Variants in SLC4A10 observed in about 807,000 individuals in gnomAD.
The protein encoded by SLC4A10 is solute carrier family 4 member 10.
A neutral mutation model predicts 137.7 loss-of-function variants in SLC4A10; 42 were observed. The ratio of observed to expected loss-of-function variants is 0.30; its 90% CI spans 0.24 to 0.39. SLC4A10 has a LOEUF of 0.39. Ranked by LOEUF, SLC4A10 falls within the 10% of genes least tolerant of loss-of-function variation. The probability of loss-of-function intolerance (pLI) is 1.00; values close to 1 mark genes in which losing one functional copy is unlikely to be tolerated. For missense variants in SLC4A10, 925 were observed against 1,355.0 expected (o/e 0.68, Z 4.98); for synonymous variants, 474 against 464.1 (o/e 1.02, Z -0.27).
chr2:161,806,280 G>T (rs538686646), intron 3 of SLC4A10, among the ~76,000 whole-genome samples: 3 of 152,130 alleles, frequency 2.0e-5, no homozygotes, highest in Non-Finnish European at 2.9e-5. Context: ...GGGAGGGGCT[G>T]CCATAAAGAC....
rs73005116 is a variant in SLC4A10, at chr2:161,747,557, T to C, written c.49-23416T>C. Reference sequence around the variant, plus strand: ...TTTGGTTCTTATGAAGGTGCTTTCTTGTGTGGGCAGTTGTTCAACTTGGTG... The same window carrying C: ...TTTGGTTCTTATGAAGGTGCTTTCTCGTGTGGGCAGTTGTTCAACTTGGTG... On this transcript the variant is annotated intron_variant, in intron 1 of 26. Transcript: ENST00000446997. Among the ~76,000 whole-genome samples the C allele has an allele frequency of 6.2e-3, 947 of 152,286 alleles. 9 individuals carry two copies. Among genetic ancestry groups the C allele is most frequent in the African/African-American group, 0.022 (898 of 41,568 alleles).
chr2:161,688,810 T>C (rs986499850), intron 1 of SLC4A10, among the ~76,000 whole-genome samples: 1 of 152,180 alleles, frequency 6.6e-6, no homozygotes, highest in Non-Finnish European at 1.5e-5. Flanking sequence ...ATTATGGTCA[T>C]GTGCCATATA....
chr2:161,656,417 G>T (rs1377321940), intron 1 of SLC4A10, among the ~76,000 whole-genome samples: 1 of 152,036 alleles, frequency 6.6e-6, no homozygotes, highest in Admixed American at 6.5e-5. Flanking sequence ...ATAAAAATTG[G>T]CAATTTAAAT....
At chr2:161,633,602 C>T (rs1160232519) in intron 1 of SLC4A10, among the ~76,000 whole-genome samples, 1 of 151,650 alleles carries the variant, frequency 6.6e-6, no homozygotes, top group Non-Finnish European at 1.5e-5. Context: ...CGTGTTATAT[C>T]ATTTAGACTA....
At chr2:161,928,170 C>T (rs1295053769) in intron 15 of SLC4A10, among the ~76,000 whole-genome samples, 1 of 148,732 alleles carries the variant, frequency 6.7e-6, no homozygotes, top group Non-Finnish European at 1.5e-5. Flanking sequence ...GGCACATATA[C>T]ACCATGGAAT....
chr2:161,863,255 A>G (rs536918165), intron 6 of SLC4A10, among the ~76,000 whole-genome samples, 193 bp downstream of exon 6: 1 of 152,318 alleles, frequency 6.6e-6, no homozygotes, highest in South Asian at 2.1e-4. Context: ...AAAGAACTTA[A>G]GTTTCCTGAA....
intron 1 of SLC4A10, among the ~76,000 whole-genome samples, chr2:161,664,858 C>T (rs898643319): frequency 6.6e-6 from 1 of 151,634 alleles, no homozygotes; most frequent in East Asian, 1.9e-4. Flanking sequence ...ACATGGTTTC[C>T]TTAATGAACA....
At chr2:161,815,558 A>G (rs762808373) in intron 3 of SLC4A10, among the ~76,000 whole-genome samples, 1 of 152,148 alleles carries the variant, frequency 6.6e-6, no homozygotes, top group Non-Finnish European at 1.5e-5. Flanking sequence ...AGTAACGTAT[A>G]TGAATCTTAA....
chr2:161,957,182 C>T lies in SLC4A10; in HGVS notation c.2735C>T (p.Thr912Ile). 6.2e-7 allele frequency: 1 copy of T among 1,613,728 alleles called. No individual in the cohort carries two copies. Among genetic ancestry groups the T allele is most frequent in the Non-Finnish European group, 8.5e-7 (1 of 1,179,814 alleles). ...CTCGGCATTCGGGAGCAAAGGGTTACTGGGCTTATGATTTTTATTCTTATG... is the reference window on the plus strand; with the variant it reads ...CTCGGCATTCGGGAGCAAAGGGTTATTGGGCTTATGATTTTTATTCTTATG... ...KFLGIREQRV[T>I]GLMIFILMGS... Residue 912 changes from threonine to isoleucine, a missense_variant, in exon 20 of 27, where the codon ACT (threonine) becomes ATT (isoleucine). Physicochemically the swap from Thr to Ile is moderately conservative, Grantham distance 89. Coordinates refer to ENST00000446997, the MANE Select transcript of SLC4A10 (RefSeq NM_001178015.2).
At chr2:161,798,424 T>TTC in intron 2 of SLC4A10, among the ~76,000 whole-genome samples, 1 of 151,894 alleles carries the variant, frequency 6.6e-6, no homozygotes. Flanking sequence ...TTAATAACAT[T>TTC]ATTAATCAGT....
At chr2:161,957,743 AT>A (rs141889120) in intron 20 of SLC4A10, among the ~76,000 whole-genome samples, 22 of 151,610 alleles carry the variant, frequency 1.5e-4, no homozygotes, top group African/African-American at 2.7e-4. Flanking sequence ...GCATATAGTG[AT>A]TTTTTTTTCA....
intron 1 of SLC4A10, among the ~76,000 whole-genome samples, chr2:161,681,615 T>G (rs1339573568): frequency 6.6e-6 from 1 of 152,168 alleles, no homozygotes; most frequent in African/African-American, 2.4e-5. Flanking sequence ...ATTCCTGCCC[T>G]AAGGAGTTAC....
chr2:161,784,025 A>G (rs1001794578), intron 2 of SLC4A10, among the ~76,000 whole-genome samples: 1 of 151,844 alleles, frequency 6.6e-6, no homozygotes, highest in Non-Finnish European at 1.5e-5. Flanking sequence ...TTTAGGCTCA[A>G]TGTGAAAGAA....
chr2:161,818,710 G>A (rs186437142), intron 3 of SLC4A10, among the ~76,000 whole-genome samples: 251 of 152,248 alleles, frequency 1.6e-3, no homozygotes, highest in African/African-American at 5.8e-3. Flanking sequence ...TTTGTCAAAG[G>A]CCTTTTCTGC....
rs565840784 is a variant in SLC4A10, at chr2:161,742,285, G to A, written c.49-28688G>A. The stretch of plus-strand genomic sequence containing the variant: ...GTGACTAATGCTGGAATAAACATGG[G>A]ATTGCAGATACTTCTTCAATATACT... On this transcript the variant is annotated intron_variant, in intron 1 of 26. Transcript: ENST00000446997. Among the ~76,000 whole-genome samples the A allele has an allele frequency of 2.2e-3, 331 of 152,210 alleles. 2 individuals are homozygous for A. The highest frequency in any genetic ancestry group is 3.9e-3 in the Non-Finnish European group (266 of 68,014).
chr2:161,866,846 A>G (rs2060790837), intron 6 of SLC4A10, among the ~76,000 whole-genome samples: 2 of 151,788 alleles, frequency 1.3e-5, no homozygotes, highest in African/African-American at 4.8e-5. Context: ...ATAAAATATT[A>G]TTATCCTTAT....
chr2:161,846,959 A>G (rs2059534795), intron 4 of SLC4A10, among the ~76,000 whole-genome samples: 1 of 151,966 alleles, frequency 6.6e-6, no homozygotes, highest in Admixed American at 6.6e-5. Flanking sequence ...GAGGCAGGGC[A>G]TGGTGGCTCA....
At chr2:161,693,799 A>G (rs2042232174) in intron 1 of SLC4A10, among the ~76,000 whole-genome samples, 1 of 149,954 alleles carries the variant, frequency 6.7e-6, no homozygotes, top group Non-Finnish European at 1.5e-5. Flanking sequence ...AAATGGCAGT[A>G]TTTCCTTCTT....
intron 1 of SLC4A10, among the ~76,000 whole-genome samples, chr2:161,677,361 A>G (rs140702137): frequency 6.6e-6 from 1 of 152,298 alleles, no homozygotes; most frequent in African/African-American, 2.4e-5. Context: ...TTTCTTTACA[A>G]ATCACCCAGC....
Sources: gnomAD v4.1 joint callset for allele counts (sites outside exome capture counted in the v4.1 genomes callset) on GRCh38, gnomAD v4.1.1 for gene constraint, MANE v1.5 for transcripts, NCBI Gene and HGNC (gene_info 2026-07-23, HGNC 2026-07-21) for gene names.